TSEN34: variants seen among roughly 807,000 people sequenced by gnomAD.
The protein encoded by TSEN34 is tRNA splicing endonuclease subunit 34.
TSEN34 carries 25 observed loss-of-function variants against 30.2 expected under a neutral mutation model. The observed-to-expected ratio is 0.83, with a 90% CI of 0.60 to 1.16. The LOEUF (loss-of-function observed/expected upper bound fraction) is 1.16. Among genes scored for constraint, TSEN34 ranks in the 50% most tolerant of loss-of-function variants. The pLI, the probability that TSEN34 is intolerant of heterozygous loss-of-function variation, is 0.00. For missense variants in TSEN34, 475 were observed against 411.9 expected (o/e 1.15, Z -1.33); for synonymous variants, 209 against 177.4 (o/e 1.18, Z -1.41).
In TSEN34 at chr19:54,194,308, G is replaced by A. The variant is rs1358939550; in HGVS notation, c.*946G>A. 1.4e-5 allele frequency: 2 copies of A among 147,574 alleles called. No individual in the cohort carries two copies. Among genetic ancestry groups the A allele is most frequent in the Non-Finnish European group, 1.5e-5 (1 of 67,380 alleles). The allele number at this position is 147,574 out of a possible 1,614,324, so 9.1% of individuals were successfully genotyped here. A position where few individuals can be genotyped will look rare whatever the true frequency, so the allele number is the denominator to read the frequency against. On this transcript the variant is annotated 3_prime_UTR_variant, in exon 4 of 4. Transcript: ENST00000396388. ...TGGGGAGAAAGGAAGGACTCTGGAA[G>A]GCGTTCTGCTTTTTCATGGCCTGGG...
Position 54,193,743 on chromosome 19 carries a change from GA to G in TSEN34, c.*382del, listed in dbSNP as rs1309476144. ...CATGTACAGGTGAGAAAAAGGCCTGGAGGAGGGGGACTGACTTGCCCAAAGT... is the reference window on the plus strand; with the variant it reads ...CATGTACAGGTGAGAAAAAGGCCTGGGGAGGGGGACTGACTTGCCCAAAGT... On this transcript the variant is annotated 3_prime_UTR_variant, in exon 4 of 4. Transcript: ENST00000396388. 12 of 714,810 alleles carry G rather than the reference GA, an allele frequency of 1.7e-5. No individual in the cohort carries two copies. The highest frequency in any genetic ancestry group is 5.4e-5 in the East Asian group (2 of 37,348). The allele number at this position is 714,810 out of a possible 1,614,324, so 44.3% of individuals were successfully genotyped here.
chr19:54,193,087 G>C (rs2076767020), intron 3 of TSEN34, 88 bp from the exon 4 acceptor site: 1 of 1,581,248 alleles, frequency 6.3e-7, no homozygotes, highest in Non-Finnish European at 8.6e-7. Flanking sequence ...TGGCTGAAAT[G>C]ATCTCAGATC....
At chr19:54,190,040 G>A, upstream of TSEN34, 1 of 531,956 alleles carries the variant, frequency 1.9e-6, no homozygotes, top group Admixed American at 3.7e-5. Context: ...TTACAAGGGG[G>A]CGGGGCGAAA....
rs1317397656 is a variant in TSEN34 at position 54,194,234 on chromosome 19, TATATATTA to T, written c.*873_*880del. 1 of 151,908 alleles carries T rather than the reference TATATATTA, an allele frequency of 6.6e-6. No homozygotes were observed. The highest frequency in any genetic ancestry group is 2.4e-5 in the African/African-American group (1 of 41,326). The allele number at this position is 151,908 out of a possible 1,614,324, so 9.4% of individuals were successfully genotyped here. ...GTATATATATGTGTGTGTATATATA[TATATATTA>T]TGAAAGGAAATGAGTATTGTAATTT... On this transcript the variant is annotated 3_prime_UTR_variant, in exon 4 of 4. Coordinates refer to ENST00000396388, the MANE Select transcript of TSEN34 (RefSeq NM_001077446.4).
Position 54,193,570 on chromosome 19 carries a change from C to T in TSEN34, c.*208C>T. On this transcript the variant is annotated 3_prime_UTR_variant, in exon 4 of 4. Transcript: ENST00000396388. ...GTTTTTGTAGTTACCTATTTTCACA[C>T]TGTGAGCTTCCCGAGAATGGGGCCT... The T allele has an allele frequency of 6.6e-7, 1 of 1,519,298 alleles. No individual in the cohort carries two copies. Among genetic ancestry groups the T allele is most frequent in the Non-Finnish European group, 8.8e-7 (1 of 1,131,482 alleles). 94.1% of individuals were successfully genotyped at this position (1,519,298 alleles called of 1,614,324 possible).
chr19:54,191,289 G>C, upstream of TSEN34: 1 of 1,543,128 alleles, frequency 6.5e-7, no homozygotes, highest in Non-Finnish European at 8.7e-7. Flanking sequence ...GACCCCGGAG[G>C]CTTTGGGTGC....
upstream of TSEN34, chr19:54,190,508 T>C: frequency 7.4e-7 from 1 of 1,351,706 alleles, no homozygotes; most frequent in Non-Finnish European, 9.6e-7. Flanking sequence ...GGCTTTCGGC[T>C]GTGGGGTTCG....
At position 54,194,341 on chromosome 19, in the gene TSEN34, G is replaced by GGAT. The variant is rs1180516564; in HGVS notation, c.*979_*980insGAT. 8.6e-5 allele frequency: 3 copies of GGAT among 34,704 alleles called. No homozygotes were observed. The highest frequency in any genetic ancestry group is 1.9e-4 in the African/African-American group (1 of 5,224). 2.1% of individuals were successfully genotyped at this position (34,704 alleles called of 1,614,324 possible). A position where few individuals can be genotyped will look rare whatever the true frequency, so the allele number is the denominator to read the frequency against. The stretch of plus-strand genomic sequence containing the variant: ...GCTTTTTCATGGCCTGGGTAGTGGT[G>GGAT]AATTTTTTTGATACTGTATATTTAT... On this transcript the variant is annotated 3_prime_UTR_variant, in exon 4 of 4. Coordinates refer to ENST00000396388, the MANE Select transcript of TSEN34 (RefSeq NM_001077446.4).
In TSEN34 at chr19:54,193,511, T is replaced by A. The variant is rs768515737; in HGVS notation, c.*149T>A. ...GTTTTCGAACACTACATCTTTTTTA[T>A]GTTCTTCCTTGTTTCAAAGCACTTA... On this transcript the variant is annotated 3_prime_UTR_variant, in exon 4 of 4. Transcript: ENST00000396388. The A allele has an allele frequency of 7.9e-5, 121 of 1,540,922 alleles. No individual in the cohort carries two copies. The highest frequency in any genetic ancestry group is 1.0e-4 in the Non-Finnish European group (120 of 1,145,240).
rs1370309675 is a variant in TSEN34 at position 54,194,178 on chromosome 19, T to C, written c.*816T>C. 1.3e-5 allele frequency: 2 copies of C among 159,356 alleles called. No homozygotes were observed. The highest frequency in any genetic ancestry group is 4.8e-5 in the African/African-American group (2 of 41,356). The allele number at this position is 159,356 out of a possible 1,614,324, so 9.9% of individuals were successfully genotyped here. A position where few individuals can be genotyped will look rare whatever the true frequency, so the allele number is the denominator to read the frequency against. On this transcript the variant is annotated 3_prime_UTR_variant, in exon 4 of 4. Coordinates refer to ENST00000396388, the MANE Select transcript of TSEN34 (RefSeq NM_001077446.4). Reference sequence around the variant, plus strand: ...GTCTCAAAAAATATATATATGTGTGTGTGTATATATGTAAATATACACACA... The same window carrying C: ...GTCTCAAAAAATATATATATGTGTGCGTGTATATATGTAAATATACACACA...
chr19:54,191,037 G>GGTA, upstream of TSEN34: 1 of 1,210,086 alleles, frequency 8.3e-7, no homozygotes. Context: ...AAGGCGCAAT[G>GGTA]GTAGGTACGG....
Position 54,191,453 on chromosome 19 carries a change from G to T in TSEN34, c.89G>T (p.Gly30Val). Residue 30 changes from glycine (G) to valine (V), a missense_variant, in exon 1 of 4, where the codon GGC becomes GTC. Gly to Val is a moderately radical substitution (Grantham distance 109). Coordinates refer to ENST00000396388, the MANE Select transcript of TSEN34 (RefSeq NM_001077446.4). ...QALRERLGVG[G>V]RTVGALPRGP... Reference sequence around the variant, plus strand: ...CTCCGGGAGCGCCTGGGTGTGGGGGGCCGCACGGTAGGCGCCCTGCCCCGC... The same window carrying T: ...CTCCGGGAGCGCCTGGGTGTGGGGGTCCGCACGGTAGGCGCCCTGCCCCGC... 6.5e-7 allele frequency: 1 copy of T among 1,547,662 alleles called. No individual in the cohort carries two copies. Among genetic ancestry groups the T allele is most frequent in the East Asian group, 2.4e-5 (1 of 40,974 alleles).
chr19:54,191,863 A>T lies in TSEN34; in HGVS notation c.386A>T (p.Gln129Leu). ...GCTGCTAAGAAGCAGAAACTAGAAC[A>T]GGCTTCAGGGGCCAGCTCAAGCCAG... The part of the protein sequence containing the change: ...GQAAKKQKLE[Q>L]ASGASSSQEA... The change falls in exon 2 of 4, where the codon CAG (glutamine) becomes CTG (leucine). Residue 129 changes from glutamine (Q) to leucine (L), a missense_variant. Gln to Leu is a moderately radical substitution (Grantham distance 113, BLOSUM62 -2). Transcript: ENST00000396388. 6.2e-7 allele frequency: 1 copy of T among 1,614,144 alleles called. No homozygotes were observed. Among genetic ancestry groups the T allele is most frequent in the South Asian group, 1.1e-5 (1 of 91,082 alleles).
upstream of TSEN34, chr19:54,190,870 G>T (rs759217066): frequency 4.8e-6 from 5 of 1,047,022 alleles, no homozygotes; most frequent in Non-Finnish European, 5.7e-6. Context: ...GCGTCCGGAA[G>T]AGGGTGTGGC....
rs2076787390 is a variant in TSEN34 at position 54,193,533 on chromosome 19, C to T, written c.*171C>T. 5.9e-6 allele frequency: 9 copies of T among 1,538,362 alleles called. No homozygotes were observed. The East Asian group carries it at 1.2e-4, about 21-fold the overall frequency. On this transcript the variant is annotated 3_prime_UTR_variant, in exon 4 of 4. Coordinates refer to ENST00000396388, the MANE Select transcript of TSEN34 (RefSeq NM_001077446.4). ...TTATGTTCTTCCTTGTTTCAAAGCA[C>T]TTATTGGCTGTGTTTTTGTAGTTAC... is the stretch of plus-strand genomic sequence containing the variant.
intron 3 of TSEN34, 115 bp from the exon 4 acceptor site, chr19:54,193,060 T>A: frequency 6.5e-7 from 1 of 1,531,418 alleles, no homozygotes; most frequent in South Asian, 1.1e-5. Context: ...GCATCTGTTT[T>A]AGAGTATCTA....
At chr19:54,190,990 T>G, upstream of TSEN34, 5 of 1,095,340 alleles carry the variant, frequency 4.6e-6, no homozygotes, top group South Asian at 3.3e-5. Flanking sequence ...TAAGGGGGCG[T>G]GTCGCCGCGC....
upstream of TSEN34, chr19:54,190,405 C>T (rs1377034303): frequency 1.4e-6 from 2 of 1,475,498 alleles, no homozygotes; most frequent in East Asian, 2.8e-5. Flanking sequence ...GACAGTGGGA[C>T]ATTCTGAAGG....
chr19:54,192,035 A>T (rs577688062), intron 2 of TSEN34, 71 bp downstream of exon 2: 503 of 1,613,894 alleles, frequency 3.1e-4, no homozygotes, highest in Non-Finnish European at 4.0e-4. Context: ...TTTAGCTGGG[A>T]ATCCAGTGCC....
Sources: gnomAD v4.1 joint callset for allele counts on GRCh38, gnomAD v4.1.1 for gene constraint, MANE v1.5 for transcripts, NCBI Gene and HGNC (gene_info 2026-07-23, HGNC 2026-07-21) for gene names.